The following PTPRG variants were observed in gnomAD, a reference collection of about 807,000 sequenced individuals.
PTPRG encodes protein tyrosine phosphatase receptor type G, also known as receptor-type tyrosine-protein phosphatase gamma.
In PTPRG, 102 loss-of-function variants were observed where a neutral mutation model predicts 165.3. That is an observed-to-expected ratio of 0.62 (90% CI 0.53 to 0.73). The LOEUF (loss-of-function observed/expected upper bound fraction) is 0.73. Ranked by LOEUF, PTPRG falls within the 30% of genes least tolerant of loss-of-function variation. PTPRG has a pLI of 0.00. For synonymous variants in PTPRG, 675 were observed against 669.5 expected (o/e 1.01, Z -0.13); for missense variants, 1,866 against 1,861.4 (o/e 1.00, Z -0.05).
intron 1 of PTPRG, among the ~76,000 whole-genome samples, chr3:61,671,442 G>T (rs1205373262): frequency 6.6e-6 from 1 of 151,670 alleles, no homozygotes; most frequent in East Asian, 2.0e-4. Flanking sequence ...GTTTCAGAGA[G>T]CACAGGGTTG....
chr3:61,720,861 C>T (rs2032015867), intron 1 of PTPRG, among the ~76,000 whole-genome samples: 1 of 152,246 alleles, frequency 6.6e-6, no homozygotes, highest in African/African-American at 2.4e-5. Flanking sequence ...TGGCAAAACA[C>T]TGGCCATTAT....
At chr3:62,268,931 A>G (rs1701971767) in intron 19 of PTPRG, 104 bp from the exon 20 acceptor site, 2 of 1,274,740 alleles carry the variant, frequency 1.6e-6, no homozygotes, top group Non-Finnish European at 1.0e-6. Context: ...AGTCAACTAA[A>G]TGGCAATCTC....
At chr3:62,167,852 T>C in intron 7 of PTPRG, 119 bp from the exon 8 acceptor site, 1 of 1,027,874 alleles carries the variant, frequency 9.7e-7, no homozygotes, top group Non-Finnish European at 1.4e-6. Context: ...ATTGGGCACT[T>C]CCTACCGTTT....
rs375290064 is a variant in PTPRG, at chr3:62,203,852, C to T, written c.2057C>T (p.Ala686Val). Reference sequence around the variant, plus strand: ...CCCACCGCCACAGAGGAGCAGTATGCAGGGAGTGATCCCAAGAGGCCCGAA... The same window carrying T: ...CCCACCGCCACAGAGGAGCAGTATGTAGGGAGTGATCCCAAGAGGCCCGAA... ...VPPTATEEQY[A>V]GSDPKRPEMP... Residue 686 changes from alanine (A) to valine (V), a missense_variant, in exon 12 of 30, where the codon GCA becomes GTA. Ala to Val is a moderately conservative substitution (Grantham distance 64, BLOSUM62 0). Transcript: ENST00000474889. The surrounding 1 kb of genome is among the most constrained non-coding windows in gnomAD (Gnocchi z 6.4). 6.2e-7 allele frequency: 1 copy of T among 1,614,142 alleles called. No homozygotes were observed. The highest frequency in any genetic ancestry group is 8.5e-7 in the Non-Finnish European group (1 of 1,180,016).
At chr3:61,933,670 G>A (rs1350525761) in intron 2 of PTPRG, among the ~76,000 whole-genome samples, 1 of 131,488 alleles carries the variant, frequency 7.6e-6, no homozygotes, top group African/African-American at 3.4e-5. Context: ...CAACATTGAC[G>A]GTGGCCACTG....
At chr3:62,060,711 A>G (rs1289622626) in intron 4 of PTPRG, among the ~76,000 whole-genome samples, 1 of 152,218 alleles carries the variant, frequency 6.6e-6, no homozygotes, top group Admixed American at 6.5e-5. Flanking sequence ...TAAATCTTTA[A>G]ACAATACTGA....
chr3:62,046,737 A>G (rs1700304760), intron 4 of PTPRG, among the ~76,000 whole-genome samples: 1 of 152,138 alleles, frequency 6.6e-6, no homozygotes, highest in African/African-American at 2.4e-5. Flanking sequence ...AGATTTTTGT[A>G]TTGAAAAAGC....
At chr3:61,713,531 G>T (rs997213840) in intron 1 of PTPRG, among the ~76,000 whole-genome samples, 5 of 152,036 alleles carry the variant, frequency 3.3e-5, no homozygotes, top group African/African-American at 1.2e-4. Context: ...TAGGCAAGGG[G>T]ATTATAGTAG....
intron 1 of PTPRG, among the ~76,000 whole-genome samples, chr3:61,639,962 C>G (rs1702018303): frequency 1.3e-5 from 2 of 152,064 alleles, no homozygotes; most frequent in Non-Finnish European, 2.9e-5. Context: ...AAGTGGGTGT[C>G]CCTGTCTTTT....
chr3:61,764,207 G>A (rs1190011490), intron 2 of PTPRG, among the ~76,000 whole-genome samples: 1 of 152,176 alleles, frequency 6.6e-6, no homozygotes, highest in Non-Finnish European at 1.5e-5. Flanking sequence ...GAGGTCTTGA[G>A]AAGTTGACCT....
intron 2 of PTPRG, among the ~76,000 whole-genome samples, chr3:61,882,012 G>A (rs1018165424): frequency 6.6e-6 from 1 of 152,170 alleles, no homozygotes; most frequent in Non-Finnish European, 1.5e-5. Flanking sequence ...CATGCTGGGG[G>A]TAAGAGCTTA....
chr3:61,699,327 C>T (rs2030816614), intron 1 of PTPRG, among the ~76,000 whole-genome samples: 1 of 152,138 alleles, frequency 6.6e-6, no homozygotes, highest in Non-Finnish European at 1.5e-5. Context: ...TCTGCCTCAG[C>T]AGAAGACAGC....
chr3:62,257,117 T>G (rs1439708570), intron 16 of PTPRG, among the ~76,000 whole-genome samples: 2 of 152,168 alleles, frequency 1.3e-5, no homozygotes, highest in African/African-American at 4.8e-5. Flanking sequence ...GAATATGCTT[T>G]CTTCTAAAAA....
chr3:61,955,568 C>T (rs976088771), intron 2 of PTPRG, among the ~76,000 whole-genome samples: 4 of 152,104 alleles, frequency 2.6e-5, no homozygotes, highest in African/African-American at 9.7e-5. Context: ...TGCTTGGATC[C>T]TGAGCAATAT....
At chr3:61,749,285 G>GT in intron 2 of PTPRG, 2 of 415,178 alleles carry the variant, frequency 4.8e-6, no homozygotes, top group African/African-American at 2.1e-5. Context: ...TGTCTTTTCT[G>GT]TTTTTTCAGG....
At chr3:61,586,519 C>T (rs1700439174) in intron 1 of PTPRG, among the ~76,000 whole-genome samples, 2 of 152,234 alleles carry the variant, frequency 1.3e-5, no homozygotes, top group African/African-American at 4.8e-5. Context: ...ACTGTTCCTT[C>T]TGTTCGTTTG....
chr3:61,669,762 G>C (rs547503978), intron 1 of PTPRG, among the ~76,000 whole-genome samples: 1 of 152,304 alleles, frequency 6.6e-6, no homozygotes, highest in African/African-American at 2.4e-5. Flanking sequence ...ACTTGAGACA[G>C]TTTGGCACTG....
At chr3:61,626,508 G>A (rs7612316) in intron 1 of PTPRG, among the ~76,000 whole-genome samples, 13,245 of 152,168 alleles carry the variant, frequency 0.087, 700 homozygotes, top group East Asian at 0.21. Context: ...TAGTATTACC[G>A]TTCAAAACCC....
chr3:62,157,282 G>C (rs570416063), intron 7 of PTPRG, 58 bp downstream of exon 7: 1 of 1,549,022 alleles, frequency 6.5e-7, no homozygotes, highest in Admixed American at 1.7e-5. Context: ...TTGACTTAAC[G>C]ATCCAGCATG....
Sources: gnomAD v4.1 joint callset for allele counts (sites outside exome capture counted in the v4.1 genomes callset) on GRCh38, gnomAD v4.1.1 for gene constraint, Gnocchi (gnomAD v3.1) non-coding constraint, MANE v1.5 for transcripts, NCBI Gene and HGNC (gene_info 2026-07-23, HGNC 2026-07-21) for gene names.